Variants in INVS observed in about 807,000 individuals in gnomAD.
INVS encodes inversin.
In INVS, 86 loss-of-function variants were observed where a neutral mutation model predicts 108.8. The ratio of observed to expected loss-of-function variants is 0.79; its 90% CI spans 0.66 to 0.95. INVS has a LOEUF of 0.95. Ranked by LOEUF, INVS falls within the 40% of genes least tolerant of loss-of-function variation. INVS has a pLI of 0.00. For synonymous variants in INVS, 455 were observed against 473.5 expected (o/e 0.96, Z 0.51); for missense variants, 1,169 against 1,297.4 (o/e 0.90, Z 1.52).
intron 2 of INVS, among the ~76,000 whole-genome samples, chr9:100,108,036 G>C (rs1267113293): frequency 1.3e-5 from 2 of 150,770 alleles, no homozygotes; most frequent in Non-Finnish European, 3.0e-5. Flanking sequence ...AATTCCATGA[G>C]AAAAAAAAAT....
At chr9:100,223,325 G>A (rs1369091675) in intron 3 of INVS, among the ~76,000 whole-genome samples, 1 of 151,926 alleles carries the variant, frequency 6.6e-6, no homozygotes, top group Non-Finnish European at 1.5e-5. Context: ...TCGAACTCCT[G>A]ACCTCAAGTG....
intron 8 of INVS, among the ~76,000 whole-genome samples, chr9:100,249,305 C>G (rs16919019): frequency 0.18 from 27,084 of 151,916 alleles, 3,689 homozygotes; most frequent in African/African-American, 0.39. Context: ...CCCTGGGCTA[C>G]ATTTAGTTTT....
intron 11 of INVS, among the ~76,000 whole-genome samples, chr9:100,270,607 G>C (rs988353557): frequency 9.9e-5 from 15 of 152,012 alleles, no homozygotes; most frequent in African/African-American, 3.6e-4. Context: ...AATTAGCCGG[G>C]TGTGATGGCA....
At chr9:100,209,942 A>C (rs1830787459) in intron 3 of INVS, among the ~76,000 whole-genome samples, 1 of 152,076 alleles carries the variant, frequency 6.6e-6, no homozygotes, top group Admixed American at 6.5e-5. Context: ...TGTGTTTTTA[A>C]AGCTTTCATT....
chr9:100,271,908 A>G (rs2787386), intron 11 of INVS, among the ~76,000 whole-genome samples: 79,053 of 150,988 alleles, frequency 0.52, 21,567 homozygotes, highest in African/African-American at 0.57. Flanking sequence ...TCACTCTGTC[A>G]CCCAGTCTGG....
intron 3 of INVS, among the ~76,000 whole-genome samples, chr9:100,192,916 A>G (rs1830265454): frequency 1.3e-5 from 2 of 151,646 alleles, no homozygotes; most frequent in South Asian, 2.1e-4. Context: ...TGCTACTACA[A>G]TAAGACACTA....
chr9:100,253,210 T>G, intron 10 of INVS, 74 bp downstream of exon 10: 1 of 1,167,918 alleles, frequency 8.6e-7, no homozygotes, highest in Non-Finnish European at 1.3e-6. Flanking sequence ...TAAACATAAG[T>G]AAAACAACAG....
intron 2 of INVS, among the ~76,000 whole-genome samples, chr9:100,111,132 G>T (rs1461759109): frequency 6.6e-6 from 1 of 152,144 alleles, no homozygotes; most frequent in Non-Finnish European, 1.5e-5. Context: ...TATAAAATAT[G>T]TAAAGTAAGA....
chr9:100,291,081 T>G (rs1378940950), intron 13 of INVS, among the ~76,000 whole-genome samples: 1 of 151,942 alleles, frequency 6.6e-6, no homozygotes. Flanking sequence ...ATTTTTTTTT[T>G]TTCAGACGGA....
At chr9:100,268,190 C>T (rs948472618) in intron 11 of INVS, among the ~76,000 whole-genome samples, 2 of 151,848 alleles carry the variant, frequency 1.3e-5, no homozygotes, top group African/African-American at 2.4e-5. Flanking sequence ...AAGAGAGGAA[C>T]GTATCCACCC....
At chr9:100,131,441 G>T (rs937043978) in intron 3 of INVS, among the ~76,000 whole-genome samples, 3 of 152,040 alleles carry the variant, frequency 2.0e-5, no homozygotes, top group Non-Finnish European at 4.4e-5. Context: ...TGAAGAAATG[G>T]TACCCATGAG....
At chr9:100,247,312 C>T (rs1316401405) in intron 8 of INVS, among the ~76,000 whole-genome samples, 1 of 152,090 alleles carries the variant, frequency 6.6e-6, no homozygotes, top group Non-Finnish European at 1.5e-5. Flanking sequence ...TTCAAATCAA[C>T]CTTGCTTGAA....
At chr9:100,191,499 C>T (rs1356397844) in intron 3 of INVS, among the ~76,000 whole-genome samples, 1 of 152,098 alleles carries the variant, frequency 6.6e-6, no homozygotes. Context: ...TTTTTTAATT[C>T]TCTAAATGTG....
At chr9:100,120,468 TC>T in intron 2 of INVS, 1 of 185,934 alleles carries the variant, frequency 5.4e-6, no homozygotes. Context: ...CTCAGAAGGA[TC>T]CCATCTATGA....
chr9:100,134,710 T>G (rs1251408492), intron 3 of INVS, among the ~76,000 whole-genome samples: 1 of 152,170 alleles, frequency 6.6e-6, no homozygotes, highest in East Asian at 1.9e-4. Context: ...GTTGAGCATT[T>G]TTTCATGTTT....
intron 5 of INVS, among the ~76,000 whole-genome samples, chr9:100,230,929 A>G (rs1294341563): frequency 6.6e-6 from 1 of 152,232 alleles, no homozygotes; most frequent in Non-Finnish European, 1.5e-5. Flanking sequence ...TTATTGACAG[A>G]TACTTTGTTT....
intron 2 of INVS, among the ~76,000 whole-genome samples, chr9:100,123,922 C>T (rs140893389): frequency 1.3e-5 from 2 of 152,282 alleles, no homozygotes; most frequent in Non-Finnish European, 1.5e-5. Flanking sequence ...TCTCATGCCT[C>T]AGCCTCCCAA....
intron 3 of INVS, among the ~76,000 whole-genome samples, chr9:100,164,424 C>T (rs934779066): frequency 2.0e-5 from 3 of 151,856 alleles, no homozygotes; most frequent in African/African-American, 7.3e-5. Context: ...TTTTAAGCCT[C>T]ATTTTTTAAA....
At chr9:100,286,934 C>G (rs1833463612) in intron 13 of INVS, among the ~76,000 whole-genome samples, 1 of 152,170 alleles carries the variant, frequency 6.6e-6, no homozygotes, top group Non-Finnish European at 1.5e-5. Flanking sequence ...ATTTTTTCCA[C>G]CAAACTGCAA....
Sources: gnomAD v4.1 joint callset for allele counts (sites outside exome capture counted in the v4.1 genomes callset) on GRCh38, gnomAD v4.1.1 for gene constraint, MANE v1.5 for transcripts, NCBI Gene and HGNC (gene_info 2026-07-23, HGNC 2026-07-21) for gene names.